NEURL1: variants seen among roughly 807,000 people sequenced by gnomAD.
The protein encoded by NEURL1 is E3 ubiquitin-protein ligase NEURL1.
Under a neutral mutation model 41.2 loss-of-function variants are expected in NEURL1, and 26 were observed. The ratio of observed to expected loss-of-function variants is 0.63; its 90% CI spans 0.46 to 0.87. NEURL1 has a LOEUF of 0.87. Ranked by LOEUF, NEURL1 falls within the 40% of genes least tolerant of loss-of-function variation. NEURL1 has a pLI of 0.00. For missense variants in NEURL1, 761 were observed against 871.1 expected (o/e 0.87, Z 1.59); for synonymous variants, 400 against 402.3 (o/e 0.99, Z 0.07).
chr10:103,506,701 A>G (rs922542664), intron 1 of NEURL1, among the ~76,000 whole-genome samples: 3 of 152,088 alleles, frequency 2.0e-5, no homozygotes, highest in Non-Finnish European at 4.4e-5. Context: ...CTGAGACTAC[A>G]GGTGTGCACC....
chr10:103,514,642 C>A (rs2034156358), intron 1 of NEURL1, among the ~76,000 whole-genome samples: 1 of 152,184 alleles, frequency 6.6e-6, no homozygotes, highest in Admixed American at 6.5e-5. Flanking sequence ...GAGGGAGTAG[C>A]CCCTGGCACT....
intron 3 of NEURL1, among the ~76,000 whole-genome samples, chr10:103,572,053 C>G (rs1443355849): frequency 6.6e-6 from 1 of 152,228 alleles, no homozygotes; most frequent in Admixed American, 6.5e-5. Context: ...TGCAGCCTCT[C>G]AGGTGGTGCC....
intron 1 of NEURL1, among the ~76,000 whole-genome samples, chr10:103,533,183 T>C (rs2034610180): frequency 6.6e-6 from 1 of 152,064 alleles, no homozygotes; most frequent in South Asian, 2.1e-4. Flanking sequence ...CGCCTTGGCC[T>C]CTCAAGGTGC....
At position 103,508,510 on chromosome 10, in the gene NEURL1, G is replaced by A. The variant is rs2033997739; in HGVS notation, c.85+14038G>A. Among the ~76,000 whole-genome samples the A allele has an allele frequency of 6.6e-6, 1 of 152,134 alleles. No individual in the cohort carries two copies. Among genetic ancestry groups the A allele is most frequent in the South Asian group, 2.1e-4 (1 of 4,824 alleles). On this transcript the variant is annotated intron_variant, in intron 1 of 5. Coordinates refer to ENST00000369780, the MANE Select transcript of NEURL1 (RefSeq NM_004210.5). The surrounding 1 kb of genome is among the most constrained non-coding windows in gnomAD (Gnocchi z 4.3). ...CTCAATGGAGTGCCAGCCCTGTCTG[G>A]GTGGACAGACTTTCTCACCCACCCC... is the stretch of plus-strand genomic sequence containing the variant.
In NEURL1 at chr10:103,585,117, C is replaced by A; in HGVS notation, c.1231C>A (p.Leu411Ile). The A allele has an allele frequency of 1.3e-6, 2 of 1,591,234 alleles. No individual in the cohort carries two copies. The highest frequency in any genetic ancestry group is 2.3e-5 in the East Asian group (1 of 44,442). Residue 411 changes from leucine to isoleucine, a missense_variant, in exon 4 of 6, where the codon CTC becomes ATC. Leu to Ile is a conservative substitution (Grantham distance 5, BLOSUM62 2). This residue lies in a region of NEURL1 where 443 missense variants were observed against 408.1 expected (regional missense o/e 1.09). Transcript: ENST00000369780. ...GGTCAACGCCGACGGCGAGCTGCAC[C>A]TCAGCCACAATGGCGCGGCCGCCGG... ...LVVNADGELH[L>I]SHNGAAAGMQ...
intron 1 of NEURL1, among the ~76,000 whole-genome samples, chr10:103,559,951 T>C (rs975897407): frequency 2.0e-5 from 3 of 151,168 alleles, no homozygotes; most frequent in African/African-American, 4.9e-5. Flanking sequence ...CACACACACG[T>C]ACATGCACGC....
chr10:103,526,864 A>C (rs1399082718), intron 1 of NEURL1, among the ~76,000 whole-genome samples: 7 of 151,228 alleles, frequency 4.6e-5, no homozygotes, highest in Admixed American at 2.0e-4. Context: ...TAGGCTTTCT[A>C]ATTTGTTTGT....
rs988428496 is a variant in NEURL1 at position 103,508,283 on chromosome 10, C to T, written c.85+13811C>T. Reference sequence around the variant, plus strand: ...CACTTTACAGAGGAGACACTGAGTCCGAATTGCCACAGGACTGTGAAAGTC... The same window carrying T: ...CACTTTACAGAGGAGACACTGAGTCTGAATTGCCACAGGACTGTGAAAGTC... On this transcript the variant is annotated intron_variant, in intron 1 of 5. Transcript: ENST00000369780. This position sits in a 1 kb window ranked among gnomAD's most constrained non-coding sequence, Gnocchi z 4.3. Among the ~76,000 whole-genome samples, 36 of 152,232 alleles carry T rather than the reference C, an allele frequency of 2.4e-4. No individual in the cohort carries two copies. Among genetic ancestry groups the T allele is most frequent in the African/African-American group, 7.5e-4 (31 of 41,460 alleles).
intron 3 of NEURL1, among the ~76,000 whole-genome samples, chr10:103,578,102 T>C (rs2035703957): frequency 6.6e-6 from 1 of 152,138 alleles, no homozygotes; most frequent in Non-Finnish European, 1.5e-5. Context: ...GGAGACCCAC[T>C]GAATCAAGGC....
At chr10:103,544,379 ACCCT>A (rs1375756020) in intron 1 of NEURL1, among the ~76,000 whole-genome samples, 1 of 152,072 alleles carries the variant, frequency 6.6e-6, no homozygotes, top group Non-Finnish European at 1.5e-5. Context: ...TTCCCACCAG[ACCCT>A]GGTGGAAGGG....
At chr10:103,553,312 TC>T (rs1254439638) in intron 1 of NEURL1, among the ~76,000 whole-genome samples, 1 of 152,216 alleles carries the variant, frequency 6.6e-6, no homozygotes, top group African/African-American at 2.4e-5. Context: ...ATGATCATTA[TC>T]CGACAAAAGG....
chr10:103,523,194 C>T (rs956838637), intron 1 of NEURL1, among the ~76,000 whole-genome samples: 1 of 152,078 alleles, frequency 6.6e-6, no homozygotes, highest in Non-Finnish European at 1.5e-5. Flanking sequence ...GTGGCTCAAG[C>T]TTGTAATCCC....
At position 103,584,856 on chromosome 10, in the gene NEURL1, G is replaced by C; in HGVS notation, c.970G>C (p.Ala324Pro). 7.1e-7 allele frequency: 1 copy of C among 1,407,252 alleles called. No homozygotes were observed. The highest frequency in any genetic ancestry group is 9.2e-7 in the Non-Finnish European group (1 of 1,089,942). The allele number at this position is 1,407,252 out of a possible 1,614,324, so 87.2% of individuals were successfully genotyped here. ...CGTGGAGCACGGGCGCGACGAGCGC[G>C]CGCTCGTCTTCACCAGCCGGCCCGT... ...ARVEHGRDER[A>P]LVFTSRPVRV... The change falls in exon 4 of 6, where the codon GCG (alanine) becomes CCG (proline). Residue 324 changes from alanine to proline, a missense_variant. Ala to Pro is a conservative substitution (Grantham distance 27). Coordinates refer to ENST00000369780, the MANE Select transcript of NEURL1 (RefSeq NM_004210.5).
intron 1 of NEURL1, chr10:103,494,746 G>T: frequency 2.3e-6 from 1 of 443,738 alleles, no homozygotes; most frequent in Non-Finnish European, 4.0e-6. Context: ...CTGAAGAGAT[G>T]GGAAAGGATG....
intron 1 of NEURL1, among the ~76,000 whole-genome samples, chr10:103,509,399 A>G (rs1362265203): frequency 6.6e-6 from 1 of 152,164 alleles, no homozygotes; most frequent in African/African-American, 2.4e-5. Context: ...CATCTAGGCT[A>G]TGTGTTGTGG....
At chr10:103,509,844 TG>T (rs2034030392) in intron 1 of NEURL1, among the ~76,000 whole-genome samples, 1 of 152,150 alleles carries the variant, frequency 6.6e-6, no homozygotes, top group Non-Finnish European at 1.5e-5. Flanking sequence ...GGCTCCCATT[TG>T]GGAGTATGGG....
At chr10:103,513,587 G>T (rs2034126436) in intron 1 of NEURL1, among the ~76,000 whole-genome samples, 1 of 152,240 alleles carries the variant, frequency 6.6e-6, no homozygotes, top group South Asian at 2.1e-4. Context: ...CTGGGGTCAT[G>T]TCCAACTCTG....
At chr10:103,568,254 A>C (rs2035466562) in intron 1 of NEURL1, among the ~76,000 whole-genome samples, 1 of 151,916 alleles carries the variant, frequency 6.6e-6, no homozygotes, top group South Asian at 2.1e-4. Flanking sequence ...CCTACCCAAC[A>C]CTGGGATTGG....
At chr10:103,555,180 G>A in intron 1 of NEURL1, 1 of 428,758 alleles carries the variant, frequency 2.3e-6, no homozygotes, top group Non-Finnish European at 3.1e-6. Flanking sequence ...TGGCCGGCTG[G>A]CCGCGGGCGG....
Sources: allele counts gnomAD v4.1 joint callset (sites outside exome capture counted in the v4.1 genomes callset), GRCh38; gene constraint gnomAD v4.1.1; regional missense constraint gnomAD v4.1.1; non-coding constraint Gnocchi (gnomAD v3.1); transcripts MANE v1.5; gene names NCBI Gene and HGNC (gene_info 2026-07-23, HGNC 2026-07-21).